PAK3: variants seen among roughly 807,000 people sequenced by gnomAD.
The protein encoded by PAK3 is serine/threonine-protein kinase PAK 3.
Under a neutral mutation model 41.0 loss-of-function variants are expected in PAK3, and 4 were observed. That is an observed-to-expected ratio of 0.10 (90% CI 0.05 to 0.22). The LOEUF (loss-of-function observed/expected upper bound fraction) is 0.22, where lower values mean the gene tolerates loss of function less well. Ranked by LOEUF, PAK3 falls within the 10% of genes least tolerant of loss-of-function variation. The pLI, the probability that PAK3 is intolerant of heterozygous loss-of-function variation, is 1.00. For missense variants in PAK3, 205 were observed against 409.9 expected (o/e 0.50, Z 4.32); for synonymous variants, 146 against 139.6 (o/e 1.05, Z -0.32).
chrX:110,978,788 G>A (rs781370038), intron 1 of PAK3, among the ~76,000 whole-genome samples: 18 of 53,024 alleles, frequency 3.4e-4, no homozygotes, highest in African/African-American at 1.2e-3. Flanking sequence ...TCTTTCTTTT[G>A]TACTGTCTTT....
At chrX:111,019,132 T>C (rs1030058365) in intron 1 of PAK3, among the ~76,000 whole-genome samples, 8 of 111,010 alleles carry the variant, frequency 7.2e-5, no homozygotes, top group African/African-American at 2.6e-4. Flanking sequence ...TAACTAAAAC[T>C]ATAAAACTCT....
intron 1 of PAK3, among the ~76,000 whole-genome samples, chrX:111,029,521 GA>G (rs1234591286): frequency 2.7e-5 from 3 of 111,658 alleles, no homozygotes; most frequent in Non-Finnish European, 3.8e-5. Context: ...AGTATGCCAG[GA>G]AAAATACAAT....
intron 1 of PAK3, among the ~76,000 whole-genome samples, chrX:110,971,515 G>A (rs2091207198): frequency 9.0e-6 from 1 of 111,655 alleles, no homozygotes; most frequent in East Asian, 2.8e-4. Flanking sequence ...GTTTCCATTT[G>A]TTGGCTGCCA....
At chrX:111,060,417 G>T (rs1405259424) in intron 1 of PAK3, among the ~76,000 whole-genome samples, 1 of 111,004 alleles carries the variant, frequency 9.0e-6, no homozygotes, top group East Asian at 2.8e-4. Context: ...GTCTGGTTTT[G>T]GTATCAGAGA....
chrX:111,051,197 T>A (rs1245477979), intron 1 of PAK3, among the ~76,000 whole-genome samples: 1 of 111,855 alleles, frequency 8.9e-6, no homozygotes, highest in Admixed American at 9.5e-5. Context: ...AAGTAAGCTC[T>A]ATTGGAGCAG....
At chrX:111,123,335 T>C in intron 5 of PAK3, 57 bp downstream of exon 5, 1 of 1,029,259 alleles carries the variant, frequency 9.7e-7, no homozygotes, top group Non-Finnish European at 1.4e-6. Context: ...TCATTTTCAC[T>C]TTCTTTCTTA....
intron 1 of PAK3, among the ~76,000 whole-genome samples, chrX:110,978,449 A>G (rs1039222260): frequency 9.1e-6 from 1 of 109,572 alleles, no homozygotes; most frequent in African/African-American, 3.3e-5. Flanking sequence ...AGATTATATT[A>G]TTTTTCTTAT....
chrX:111,003,131 C>T, intron 1 of PAK3, among the ~76,000 whole-genome samples: 1 of 110,284 alleles, frequency 9.1e-6, no homozygotes, highest in Non-Finnish European at 1.9e-5. Context: ...TCAACTTGCA[C>T]AGCACAAAGG....
intron 8 of PAK3, among the ~76,000 whole-genome samples, chrX:111,153,490 T>C (rs1441774040): frequency 3.6e-5 from 4 of 112,358 alleles, no homozygotes; most frequent in Non-Finnish European, 5.6e-5. Flanking sequence ...ATTTTCATTT[T>C]GATATTCTGA....
chrX:111,047,727 T>C (rs1406091763), intron 1 of PAK3, among the ~76,000 whole-genome samples: 1 of 111,442 alleles, frequency 9.0e-6, no homozygotes, highest in African/African-American at 3.3e-5. Context: ...TAGGAGGCCA[T>C]GGGGAATTTT....
At chrX:111,103,747 T>A (rs929478255) in intron 4 of PAK3, among the ~76,000 whole-genome samples, 1 of 111,417 alleles carries the variant, frequency 9.0e-6, no homozygotes, top group Non-Finnish European at 1.9e-5. Context: ...TAATTTTACC[T>A]TCCTGTTTGA....
rs746610307 is a variant in PAK3 at position 111,205,625 on chromosome X, T to C, written c.1407+8985T>C. On this transcript the variant is annotated intron_variant, in intron 16 of 17. Transcript: ENST00000372007. ...ATGAGACTTGGTAACTTCATTCTGA[T>C]AATAATCTTGGGAAGAAGCCAGTGA... Among the ~76,000 whole-genome samples, 22 of 111,614 alleles carry C rather than the reference T, an allele frequency of 2.0e-4. 1 individual carries two copies. The South Asian group carries it at 8.3e-3, about 42-fold the overall frequency.
At chrX:111,061,709 T>A (rs1342246736) in intron 1 of PAK3, among the ~76,000 whole-genome samples, 1 of 112,073 alleles carries the variant, frequency 8.9e-6, no homozygotes, top group Non-Finnish European at 1.9e-5. Context: ...ATTTCAGAGC[T>A]TTTTTGCTGT....
At chrX:111,060,734 C>G (rs2092648801) in intron 1 of PAK3, among the ~76,000 whole-genome samples, 1 of 111,472 alleles carries the variant, frequency 9.0e-6, no homozygotes, top group Non-Finnish European at 1.9e-5. Context: ...TTAAAGACAT[C>G]AGGTTGCCTT....
intron 5 of PAK3, among the ~76,000 whole-genome samples, chrX:111,132,087 G>A (rs995494532): frequency 3.6e-5 from 4 of 110,915 alleles, no homozygotes; most frequent in Admixed American, 2.9e-4. Flanking sequence ...GCAACATTTT[G>A]TAAATGACTT....
At chrX:111,026,280 A>G (rs1569507764) in intron 1 of PAK3, among the ~76,000 whole-genome samples, 1 of 111,623 alleles carries the variant, frequency 9.0e-6, no homozygotes, top group East Asian at 2.8e-4. Context: ...CTTCTATTCA[A>G]CATAGTACTG....
chrX:110,966,845 G>A (rs1271686347), intron 1 of PAK3, among the ~76,000 whole-genome samples: 1 of 111,516 alleles, frequency 9.0e-6, no homozygotes, highest in African/African-American at 3.3e-5. Flanking sequence ...GAATATAAAT[G>A]CTTTTTGTAA....
chrX:111,109,992 G>A (rs776202696), intron 4 of PAK3, among the ~76,000 whole-genome samples: 5 of 112,431 alleles, frequency 4.4e-5, no homozygotes, highest in African/African-American at 1.6e-4. Flanking sequence ...CCTTGGTCAA[G>A]TGACTTAATG....
At chrX:111,058,160 G>A (rs1231571037) in intron 1 of PAK3, among the ~76,000 whole-genome samples, 2 of 111,887 alleles carry the variant, frequency 1.8e-5, no homozygotes, top group Non-Finnish European at 3.8e-5. Flanking sequence ...AAGTTTTTGT[G>A]TGGGCGTGTG....
Sources: gnomAD v4.1 joint callset for allele counts (sites outside exome capture counted in the v4.1 genomes callset) on GRCh38, gnomAD v4.1.1 for gene constraint, MANE v1.5 for transcripts, NCBI Gene and HGNC (gene_info 2026-07-23, HGNC 2026-07-21) for gene names.